ASTN1: variants seen among roughly 807,000 people sequenced by gnomAD.
ASTN1 encodes astrotactin 1.
ASTN1 carries 41 observed loss-of-function variants against 140.7 expected under a neutral mutation model. The ratio of observed to expected loss-of-function variants is 0.29; its 90% CI spans 0.23 to 0.38. The LOEUF (loss-of-function observed/expected upper bound fraction) is 0.38, where lower values mean the gene tolerates loss of function less well. Among genes scored for constraint, ASTN1 ranks in the 10% least tolerant of loss-of-function variants. The pLI is 1.00. For missense variants in ASTN1, 1,479 were observed against 1,678.8 expected (o/e 0.88, Z 2.08); for synonymous variants, 640 against 652.2 (o/e 0.98, Z 0.29).
intron 8 of ASTN1, chr1:176,975,966 A>G (rs1673345163): frequency 6.6e-6 from 1 of 152,222 alleles, no homozygotes; most frequent in Non-Finnish European, 1.5e-5. Context: ...TATAATTGCC[A>G]TAGAAACAGA....
intron 13 of ASTN1, among the ~76,000 whole-genome samples, chr1:176,944,617 T>C (rs963845549): frequency 6.6e-6 from 1 of 152,184 alleles, no homozygotes; most frequent in African/African-American, 2.4e-5. Context: ...TGAACCCCAC[T>C]GTAAATACAT....
intron 1 of ASTN1, among the ~76,000 whole-genome samples, chr1:177,135,522 C>T (rs1682151975): frequency 6.6e-6 from 1 of 152,118 alleles, no homozygotes; most frequent in Non-Finnish European, 1.5e-5. Flanking sequence ...GGGACTACAG[C>T]CCCCTCATTT....
intron 8 of ASTN1, among the ~76,000 whole-genome samples, chr1:177,012,347 C>T (rs570618942): frequency 1.5e-4 from 23 of 152,280 alleles, no homozygotes; most frequent in Non-Finnish European, 2.9e-4. Context: ...ATTTGTCTGG[C>T]GCTTTTTTAA....
At chr1:177,029,166 A>G (rs964952986) in intron 5 of ASTN1, among the ~76,000 whole-genome samples, 18 of 152,148 alleles carry the variant, frequency 1.2e-4, no homozygotes, top group Admixed American at 9.8e-4. Flanking sequence ...AAGGTCAAAG[A>G]CAATTACACA....
intron 8 of ASTN1, among the ~76,000 whole-genome samples, chr1:176,991,622 T>C (rs1471993403): frequency 6.6e-6 from 1 of 152,154 alleles, no homozygotes; most frequent in Non-Finnish European, 1.5e-5. Context: ...CCGGGCTAGA[T>C]TGTGAGCCGG....
chr1:177,157,973 T>C (rs373975512), intron 1 of ASTN1, among the ~76,000 whole-genome samples: 1 of 152,246 alleles, frequency 6.6e-6, no homozygotes, highest in East Asian at 1.9e-4. Context: ...ATGTCATTGA[T>C]GAAGGTGCCA....
intron 16 of ASTN1, among the ~76,000 whole-genome samples, chr1:176,927,113 G>C (rs1326445268): frequency 6.6e-6 from 1 of 152,206 alleles, no homozygotes; most frequent in Non-Finnish European, 1.5e-5. Flanking sequence ...CCGCTGCTTA[G>C]AGCCTGAGCG....
At chr1:177,038,147 C>A (rs1010127794) in intron 2 of ASTN1, among the ~76,000 whole-genome samples, 2 of 152,190 alleles carry the variant, frequency 1.3e-5, no homozygotes, top group African/African-American at 4.8e-5. Context: ...TATATTCATC[C>A]TGGGTCCTGG....
intron 1 of ASTN1, among the ~76,000 whole-genome samples, chr1:177,130,966 T>C (rs1016451848): frequency 3.9e-5 from 6 of 152,222 alleles, no homozygotes; most frequent in African/African-American, 9.6e-5. Flanking sequence ...TTTGCACTTA[T>C]TGGATTTTTT....
intron 1 of ASTN1, among the ~76,000 whole-genome samples, chr1:177,108,240 T>A (rs1460457113): frequency 1.3e-5 from 2 of 148,890 alleles, no homozygotes; most frequent in African/African-American, 5.0e-5. Flanking sequence ...TCCCAGCTAC[T>A]CCAGAGGCTG....
Position 176,959,519 on chromosome 1 carries a change from TAA to T in ASTN1, c.1599-1039_1599-1038del, listed in dbSNP as rs35198509. Among the ~76,000 whole-genome samples the T allele has an allele frequency of 2.8e-4, 42 of 147,750 alleles. No homozygotes were observed. In the East Asian group the frequency reaches 4.2e-3, roughly 15 times the overall value. ...GATTGATGACTTCAGATCTTTTATT[TAA>T]AAAAAAAAAATGTAGCCCTCTCCAG... On this transcript the variant is annotated intron_variant, in intron 9 of 22. Coordinates refer to ENST00000361833, the MANE Select transcript of ASTN1 (RefSeq NM_004319.3).
At chr1:177,107,298 T>C (rs1206911872) in intron 1 of ASTN1, among the ~76,000 whole-genome samples, 1 of 151,992 alleles carries the variant, frequency 6.6e-6, no homozygotes, top group African/African-American at 2.4e-5. Context: ...TACAATACAC[T>C]CCATTCTTAA....
chr1:176,896,234 C>T (rs1669499600), intron 16 of ASTN1, among the ~76,000 whole-genome samples: 1 of 152,216 alleles, frequency 6.6e-6, no homozygotes, highest in Non-Finnish European at 1.5e-5. Flanking sequence ...GCAAAGGACT[C>T]TATGACTATA....
chr1:177,103,927 T>C (rs1285884333), intron 1 of ASTN1, among the ~76,000 whole-genome samples: 2 of 152,160 alleles, frequency 1.3e-5, no homozygotes, highest in Non-Finnish European at 2.9e-5. Context: ...CAGTGTATAC[T>C]AGCTCTGAGC....
At chr1:177,080,477 C>A (rs1679127613) in intron 1 of ASTN1, among the ~76,000 whole-genome samples, 1 of 152,100 alleles carries the variant, frequency 6.6e-6, no homozygotes, top group South Asian at 2.1e-4. Flanking sequence ...GCAAATGACA[C>A]AAACTTATTT....
intron 1 of ASTN1, among the ~76,000 whole-genome samples, chr1:177,140,129 T>C (rs1289052090): frequency 6.6e-6 from 1 of 152,198 alleles, no homozygotes; most frequent in Non-Finnish European, 1.5e-5. Flanking sequence ...TGTAACTGAA[T>C]GAATGAATGA....
At chr1:177,006,861 C>T (rs1675024813) in intron 8 of ASTN1, among the ~76,000 whole-genome samples, 2 of 152,272 alleles carry the variant, frequency 1.3e-5, no homozygotes, top group South Asian at 4.1e-4. Flanking sequence ...AGATGTATCC[C>T]TCAGTCTTGG....
rs1361853235 is a variant in ASTN1, at chr1:176,934,259, T to C, written c.2564A>G (p.His855Arg). 7 of 1,614,056 alleles carry C rather than the reference T, an allele frequency of 4.3e-6. No individual in the cohort carries two copies. The highest frequency in any genetic ancestry group is 5.9e-6 in the Non-Finnish European group (7 of 1,179,970). Residue 855 changes from histidine to arginine, a missense_variant, in exon 16 of 23, where the codon CAT becomes CGT. This residue lies in a region of ASTN1 where 746 missense variants were observed against 800.9 expected (regional missense o/e 0.93). Coordinates refer to ENST00000361833, the MANE Select transcript of ASTN1 (RefSeq NM_004319.3). Reference sequence around the variant, plus strand: ...GCCGTAGATAGCTTCCTGGATGTAATGGTTGCCGAACTGGTCCAACAGCGC... The same window carrying C: ...GCCGTAGATAGCTTCCTGGATGTAACGGTTGCCGAACTGGTCCAACAGCGC... ...FVALLDQFGN[H>R]YIQEAIYGFE...
At chr1:177,065,188 CCA>C (rs1350995215) in intron 1 of ASTN1, among the ~76,000 whole-genome samples, 1 of 152,088 alleles carries the variant, frequency 6.6e-6, no homozygotes, top group Non-Finnish European at 1.5e-5. Flanking sequence ...TCTCAAGATA[CCA>C]CAGGTGGCAG....
Sources: gnomAD v4.1 joint callset for allele counts (sites outside exome capture counted in the v4.1 genomes callset) on GRCh38, gnomAD v4.1.1 for gene constraint, gnomAD v4.1.1 regional missense constraint, MANE v1.5 for transcripts, NCBI Gene and HGNC (gene_info 2026-07-23, HGNC 2026-07-21) for gene names.